Variants in NRXN1 observed in about 807,000 individuals in gnomAD.
The protein encoded by NRXN1 is neurexin-1.
In NRXN1, 39 loss-of-function variants were observed where a neutral mutation model predicts 150.9. The observed-to-expected ratio is 0.26, with a 90% CI of 0.20 to 0.34. The LOEUF (loss-of-function observed/expected upper bound fraction) is 0.34. Among genes scored for constraint, NRXN1 ranks in the 10% least tolerant of loss-of-function variants. The probability of loss-of-function intolerance (pLI) is 1.00; values close to 1 mark genes in which losing one functional copy is unlikely to be tolerated. For synonymous variants in NRXN1, 924 were observed against 757.0 expected (o/e 1.22, Z -3.62); for missense variants, 1,815 against 1,949.9 (o/e 0.93, Z 1.30).
chr2:50,646,215 A>T (rs12988848), intron 5 of NRXN1, among the ~76,000 whole-genome samples: 2 of 151,942 alleles, frequency 1.3e-5, no homozygotes, highest in African/African-American at 4.8e-5. Context: ...CACCAACCTA[A>T]TAGAAAAGAA....
chr2:50,274,078 T>C (rs951025310), intron 17 of NRXN1, among the ~76,000 whole-genome samples: 1 of 152,156 alleles, frequency 6.6e-6, no homozygotes, highest in African/African-American at 2.4e-5. Context: ...CATGCACATG[T>C]ATGTTTATTG....
chr2:50,242,288 C>A (rs1043969964), intron 17 of NRXN1, among the ~76,000 whole-genome samples: 1 of 151,764 alleles, frequency 6.6e-6, no homozygotes, highest in Non-Finnish European at 1.5e-5. Flanking sequence ...TGGAGGAATT[C>A]TTTGGCTTAA....
chr2:50,116,788 T>G (rs1377903730), intron 18 of NRXN1, among the ~76,000 whole-genome samples: 1 of 152,166 alleles, frequency 6.6e-6, no homozygotes, highest in African/African-American at 2.4e-5. Context: ...AAACTTGCAC[T>G]ATGAATGACG....
chr2:50,390,450 A>C (rs2081613217), intron 17 of NRXN1, among the ~76,000 whole-genome samples: 1 of 152,170 alleles, frequency 6.6e-6, no homozygotes, highest in Non-Finnish European at 1.5e-5. Context: ...TACACAGGCT[A>C]GTGTGGCTCA....
rs910666604 is a variant in NRXN1, at chr2:50,016,184, C to T, written c.4128+37087G>A. On this transcript the variant is annotated intron_variant, in intron 21 of 22. Transcript: ENST00000401669. ...CTAGGTAGGTAAAGTCCTACCTAGA[C>T]TCAGAAAGTCCAGACACCAGTTACA... Among the ~76,000 whole-genome samples the T allele has an allele frequency of 2.0e-5, 3 of 152,192 alleles. No homozygotes were observed. In the East Asian group the frequency reaches 5.8e-4, roughly 29 times the overall value.
intron 8 of NRXN1, chr2:50,616,174 A>G (rs1432259731): frequency 6.6e-6 from 1 of 152,120 alleles, no homozygotes; most frequent in African/African-American, 2.4e-5. Context: ...TGAAAATATG[A>G]ATTATTTAAA....
At chr2:50,551,044 G>GAAGAAGAAGAAGAAGAA (rs1491286570) in intron 9 of NRXN1, among the ~76,000 whole-genome samples, 1 of 66,170 alleles carries the variant, frequency 1.5e-5, no homozygotes, top group East Asian at 7.8e-4. Context: ...AAGAGGAAGA[G>GAAGAAGAAGAAGAAGAA]GAAGAGGAAG....
chr2:51,027,647 G>A lies in NRXN1; in HGVS notation c.627C>T (p.Pro209=). Residue 209 remains proline (P), a synonymous_variant, in exon 2 of 23, where the codon CCC becomes CCT. Transcript: ENST00000401669. ...SGEVKLDDEP[P]NSGGGSPCEA... ...CGCACGGGCTTCCCCCGCCGCTGTT[G>A]GGCGGCTCATCGTCCAGCTTCACCT... The A allele has an allele frequency of 1.2e-6, 2 of 1,600,182 alleles. No individual in the cohort carries two copies. Among genetic ancestry groups the A allele is most frequent in the Non-Finnish European group, 1.7e-6 (2 of 1,173,582 alleles).
At chr2:50,678,406 G>C (rs1423894104) in intron 5 of NRXN1, among the ~76,000 whole-genome samples, 2 of 152,112 alleles carry the variant, frequency 1.3e-5, no homozygotes, top group African/African-American at 4.8e-5. Flanking sequence ...TGACAACTTT[G>C]TAAAAATGCA....
chr2:50,780,146 G>T (rs1213254299), intron 5 of NRXN1, among the ~76,000 whole-genome samples: 1 of 151,978 alleles, frequency 6.6e-6, no homozygotes, highest in Non-Finnish European at 1.5e-5. Context: ...TCATATGTTT[G>T]TTGGCCATAT....
intron 21 of NRXN1, among the ~76,000 whole-genome samples, chr2:50,036,897 C>G (rs1304185906): frequency 6.6e-6 from 1 of 152,108 alleles, no homozygotes; most frequent in African/African-American, 2.4e-5. Flanking sequence ...AACATATGAA[C>G]TAGTCCAGTT....
At chr2:50,765,920 G>A (rs981127762) in intron 5 of NRXN1, among the ~76,000 whole-genome samples, 3 of 151,974 alleles carry the variant, frequency 2.0e-5, no homozygotes, top group South Asian at 4.1e-4. Context: ...TTGAACACAT[G>A]AGAAACTATA....
In NRXN1 at chr2:50,144,440, G is replaced by T. The variant is rs923854323; in HGVS notation, c.3547-52946C>A. ...AAAGTGAAACCAGAAAGCTAGGGGG[G>T]AGAAACAGTGTCACACAAAAATTCT... is the stretch of plus-strand genomic sequence containing the variant. On this transcript the variant is annotated intron_variant, in intron 18 of 22. Coordinates refer to ENST00000401669, the MANE Select transcript of NRXN1 (RefSeq NM_001330078.2). 2.6e-5 allele frequency among the ~76,000 whole-genome samples: 4 copies of T among 151,732 alleles called. No individual in the cohort carries two copies. In the South Asian group the frequency reaches 8.3e-4, roughly 31 times the overall value.
At chr2:50,434,292 C>T (rs1314636064) in intron 17 of NRXN1, among the ~76,000 whole-genome samples, 6 of 151,758 alleles carry the variant, frequency 4.0e-5, no homozygotes, top group African/African-American at 1.5e-4. Flanking sequence ...CCGTGTTGGC[C>T]AGGATGGTCT....
chr2:50,907,386 TTAAC>T (rs1365196699), intron 5 of NRXN1, among the ~76,000 whole-genome samples: 2 of 152,106 alleles, frequency 1.3e-5, no homozygotes, highest in Non-Finnish European at 1.5e-5. Flanking sequence ...GAAACTTTGA[TTAAC>T]TAAGTTTGTT....
chr2:50,879,681 T>A (rs1295178870), intron 5 of NRXN1, among the ~76,000 whole-genome samples: 1 of 151,898 alleles, frequency 6.6e-6, no homozygotes, highest in Non-Finnish European at 1.5e-5. Flanking sequence ...GTTTCGCCTG[T>A]GGTCTAGTCT....
intron 2 of NRXN1, among the ~76,000 whole-genome samples, chr2:51,001,239 G>A (rs1202510972): frequency 4.1e-5 from 5 of 122,436 alleles, no homozygotes; most frequent in Non-Finnish European, 5.1e-5. Context: ...GGGGTTGGGG[G>A]GGGGGGGCGT....
Position 50,297,905 on chromosome 2 carries a change from AG to A in NRXN1, c.3365-60936del, listed in dbSNP as rs1413271469. Among the ~76,000 whole-genome samples, 7 of 152,266 alleles carry A rather than the reference AG, an allele frequency of 4.6e-5. No homozygotes were observed. In the South Asian group the frequency reaches 1.2e-3, roughly 27 times the overall value. ...AGGGCAACATGGGTGACCTGAGCAA[AG>A]GATTAGATAAAACAAAATCCGGGCA... On this transcript the variant is annotated intron_variant, in intron 17 of 22. Coordinates refer to ENST00000401669, the MANE Select transcript of NRXN1 (RefSeq NM_001330078.2).
chr2:50,291,510 A>G (rs1210857356), intron 17 of NRXN1, among the ~76,000 whole-genome samples: 2 of 152,166 alleles, frequency 1.3e-5, no homozygotes, highest in Non-Finnish European at 2.9e-5. Context: ...CCATGAACCC[A>G]GCTCTAGAGA....
Sources: gnomAD v4.1 joint callset for allele counts (sites outside exome capture counted in the v4.1 genomes callset) on GRCh38, gnomAD v4.1.1 for gene constraint, MANE v1.5 for transcripts, NCBI Gene and HGNC (gene_info 2026-07-23, HGNC 2026-07-21) for gene names.